The following PCED1B variants were observed in gnomAD, a reference collection of about 807,000 sequenced individuals.
The protein encoded by PCED1B is PC-esterase domain-containing protein 1B.
For synonymous variants in PCED1B, 251 were observed against 246.1 expected, an observed-to-expected ratio of 1.02 and a Z score of -0.19; for missense variants, 573 against 573.9, an observed-to-expected ratio of 1.00 and a Z score of 0.02.
intron 3 of PCED1B, among the ~76,000 whole-genome samples, chr12:47,230,739 G>A (rs1943781716): frequency 6.6e-6 from 1 of 152,154 alleles, no homozygotes; most frequent in East Asian, 1.9e-4. Flanking sequence ...TCCTCGCCTG[G>A]CCAACATACC....
chr12:47,222,725 G>A (rs1211664156), intron 3 of PCED1B, among the ~76,000 whole-genome samples: 1 of 152,262 alleles, frequency 6.6e-6, no homozygotes, highest in South Asian at 2.1e-4. Flanking sequence ...GGGCAGAGGG[G>A]TTGCTTAATA....
At chr12:47,182,432 A>C (rs1942123528) in intron 2 of PCED1B, among the ~76,000 whole-genome samples, 1 of 151,876 alleles carries the variant, frequency 6.6e-6, no homozygotes, top group Non-Finnish European at 1.5e-5. Flanking sequence ...GTCTACTAAA[A>C]ATACAAAAAT....
chr12:47,219,405 T>G (rs1176110556), intron 3 of PCED1B, among the ~76,000 whole-genome samples: 5 of 152,198 alleles, frequency 3.3e-5, no homozygotes, highest in Non-Finnish European at 5.9e-5. Context: ...TTCCTGTTAC[T>G]GAGTAAATGG....
At position 47,192,174 on chromosome 12, in the gene PCED1B, T is replaced by G. The variant is rs868355067; in HGVS notation, c.-525-24048T>G. On this transcript the variant is annotated intron_variant, in intron 2 of 3. Transcript: ENST00000546455. ...ATGGAGGCTACGCTTTTTTTTTTTG[T>G]TTTTTTTTTTTTGCCTCTTTCCATA... 6.7e-5 allele frequency among the ~76,000 whole-genome samples: 9 copies of G among 133,932 alleles called. No homozygotes were observed. In the South Asian group the frequency reaches 1.1e-3, roughly 16 times the overall value. 87.9% of individuals were successfully genotyped at this position (133,932 alleles called of 152,430 possible).
intron 2 of PCED1B, among the ~76,000 whole-genome samples, chr12:47,208,155 G>A (rs1393665094): frequency 6.6e-6 from 1 of 152,162 alleles, no homozygotes; most frequent in Non-Finnish European, 1.5e-5. Flanking sequence ...CTCTGAACCG[G>A]CTGCCCTTAG....
chr12:47,220,200 C>T (rs190033256), intron 3 of PCED1B, among the ~76,000 whole-genome samples: 569 of 152,044 alleles, frequency 3.7e-3, no homozygotes, highest in Non-Finnish European at 6.6e-3. Context: ...GAGACAGAGT[C>T]TCATTCTATT....
At chr12:47,139,220 G>A (rs1290252415) in intron 2 of PCED1B, among the ~76,000 whole-genome samples, 1 of 152,102 alleles carries the variant, frequency 6.6e-6, no homozygotes, top group African/African-American at 2.4e-5. Context: ...CCTGTTGTGT[G>A]CAAAATGAGG....
chr12:47,150,282 G>A (rs1047163891), intron 2 of PCED1B, among the ~76,000 whole-genome samples: 2 of 152,024 alleles, frequency 1.3e-5, no homozygotes, highest in Non-Finnish European at 2.9e-5. Context: ...AACTAAGGCA[G>A]CCAAAGAAAT....
chr12:47,186,892 A>G (rs1210903581), intron 2 of PCED1B, among the ~76,000 whole-genome samples: 2 of 152,206 alleles, frequency 1.3e-5, no homozygotes, highest in African/African-American at 4.8e-5. Context: ...CCTATTGGCC[A>G]GAACAAGGTC....
intron 2 of PCED1B, among the ~76,000 whole-genome samples, chr12:47,169,011 T>C (rs1941633502): frequency 6.6e-6 from 1 of 152,212 alleles, no homozygotes; most frequent in Non-Finnish European, 1.5e-5. Flanking sequence ...TTTAATATTG[T>C]AGGGGAGGAA....
chr12:47,236,003 C>A lies in PCED1B; in HGVS notation c.940C>A (p.Pro314Thr). 1 of 1,613,306 alleles carries A rather than the reference C, an allele frequency of 6.2e-7. No homozygotes were observed. Among genetic ancestry groups the A allele is most frequent in the Non-Finnish European group, 8.5e-7 (1 of 1,179,708 alleles). ...CCCACCCCAGCGCTTGCCGCTGCTCCCGCTCCTGTCCCCACAGCCTCCTCC... is the reference window on the plus strand; with the variant it reads ...CCCACCCCAGCGCTTGCCGCTGCTCACGCTCCTGTCCCCACAGCCTCCTCC... ...GFPPQRLPLL[P>T]LLSPQPPPPI... The change falls in exon 4 of 4, where the codon CCG becomes ACG. Residue 314 changes from proline (P) to threonine (T), a missense_variant. Transcript: ENST00000546455.
intron 3 of PCED1B, among the ~76,000 whole-genome samples, chr12:47,217,397 GAAAC>G (rs1273763946): frequency 1.5e-5 from 2 of 135,094 alleles, no homozygotes; most frequent in African/African-American, 5.4e-5. Context: ...AGACAAGAAA[GAAAC>G]AGAGAGAGAG....
intron 1 of PCED1B, among the ~76,000 whole-genome samples, chr12:47,085,073 G>A (rs911914280): frequency 1.3e-5 from 2 of 152,226 alleles, no homozygotes; most frequent in Admixed American, 1.3e-4. Context: ...GAACCTGGGA[G>A]ACAGAGGTTG....
At chr12:47,091,671 T>C (rs146455219) in intron 1 of PCED1B, among the ~76,000 whole-genome samples, 1 of 152,322 alleles carries the variant, frequency 6.6e-6, no homozygotes, top group Non-Finnish European at 1.5e-5. Flanking sequence ...TTTTATTGTT[T>C]CATCTTTCAA....
chr12:47,120,057 C>T (rs529153938), intron 2 of PCED1B, among the ~76,000 whole-genome samples: 158 of 151,970 alleles, frequency 1.0e-3, no homozygotes, highest in African/African-American at 3.7e-3. Flanking sequence ...AAGGAAGATA[C>T]ACAAATGGTC....
At chr12:47,224,545 A>G (rs911977312) in intron 3 of PCED1B, among the ~76,000 whole-genome samples, 3 of 152,220 alleles carry the variant, frequency 2.0e-5, no homozygotes, top group African/African-American at 7.2e-5. Context: ...ATATACCCAC[A>G]GTGATTCCTT....
chr12:47,105,833 A>G (rs889657978), intron 2 of PCED1B, among the ~76,000 whole-genome samples: 1 of 152,214 alleles, frequency 6.6e-6, no homozygotes, highest in African/African-American at 2.4e-5. Flanking sequence ...ATGGAAAGTG[A>G]CAATGGCTTT....
At chr12:47,227,591 C>T (rs545836024) in intron 3 of PCED1B, among the ~76,000 whole-genome samples, 3 of 152,086 alleles carry the variant, frequency 2.0e-5, no homozygotes, top group South Asian at 4.2e-4. Context: ...CAGTGGTTCA[C>T]GCCTGTAATC....
chr12:47,232,546 T>C (rs552552751), intron 3 of PCED1B, among the ~76,000 whole-genome samples: 1 of 152,322 alleles, frequency 6.6e-6, no homozygotes, highest in Non-Finnish European at 1.5e-5. Flanking sequence ...ATGCGTAAAA[T>C]CTTACAAATT....
Sources: gnomAD v4.1 joint callset for allele counts (sites outside exome capture counted in the v4.1 genomes callset) on GRCh38, gnomAD v4.1.1 for gene constraint, MANE v1.5 for transcripts, NCBI Gene and HGNC (gene_info 2026-07-23, HGNC 2026-07-21) for gene names.